The following PRKCB variants were observed in gnomAD, a reference collection of about 807,000 sequenced individuals.
The protein encoded by PRKCB is protein kinase C beta type.
A neutral mutation model predicts 81.5 loss-of-function variants in PRKCB; 13 were observed. That is an observed-to-expected ratio of 0.16 (90% CI 0.10 to 0.25). The LOEUF (loss-of-function observed/expected upper bound fraction) is 0.25, where lower values mean the gene tolerates loss of function less well. Ranked by LOEUF, PRKCB falls within the 10% of genes least tolerant of loss-of-function variation. The pLI is 1.00. For synonymous variants in PRKCB, 335 were observed against 321.4 expected (o/e 1.04, Z -0.45); for missense variants, 509 against 875.7 (o/e 0.58, Z 5.29).
chr16:24,136,752 A>G (rs1966866086), intron 9 of PRKCB, among the ~76,000 whole-genome samples: 1 of 152,234 alleles, frequency 6.6e-6, no homozygotes, highest in African/African-American at 2.4e-5. Flanking sequence ...GATGACAAGA[A>G]AAGCAAATAG....
chr16:23,925,330 A>G (rs1963881263), intron 2 of PRKCB, among the ~76,000 whole-genome samples: 1 of 152,000 alleles, frequency 6.6e-6, no homozygotes, highest in Non-Finnish European at 1.5e-5. Flanking sequence ...CTCCCTTTTC[A>G]TTCTGCAGGA....
intron 2 of PRKCB, among the ~76,000 whole-genome samples, chr16:23,948,869 C>T (rs1436529899): frequency 6.6e-6 from 1 of 152,172 alleles, no homozygotes; most frequent in African/African-American, 2.4e-5. Flanking sequence ...CCAAAGCACA[C>T]ATTCTTAACC....
At chr16:24,110,668 C>T (rs554420571) in intron 7 of PRKCB, among the ~76,000 whole-genome samples, 2 of 151,908 alleles carry the variant, frequency 1.3e-5, no homozygotes, top group Non-Finnish European at 2.9e-5. Flanking sequence ...TGGCATGCGC[C>T]ACCATACCTA....
In PRKCB at chr16:24,218,831, T is replaced by C. The variant is rs1055583573; in HGVS notation, c.*4015T>C. 2.0e-6 allele frequency: 2 copies of C among 985,348 alleles called. No individual in the cohort carries two copies. The highest frequency in any genetic ancestry group is 3.5e-5 in the African/African-American group (2 of 57,234). The allele number at this position is 985,348 out of a possible 1,614,324, so 61.0% of individuals were successfully genotyped here. On this transcript the variant is annotated 3_prime_UTR_variant, in exon 17 of 17. Transcript: ENST00000643927. The stretch of plus-strand genomic sequence containing the variant: ...GGGAATACAAGGCCTTCTTCCCTGG[T>C]TGTCTTGTAATAAAACAGCCATGGG...
intron 2 of PRKCB, among the ~76,000 whole-genome samples, chr16:23,930,462 A>T (rs1026390234): frequency 2.6e-5 from 4 of 152,042 alleles, no homozygotes; most frequent in Non-Finnish European, 5.9e-5. Context: ...TCAGCTACTC[A>T]GGAGGCTGAG....
At chr16:24,202,931 C>A (rs1967981777) in intron 16 of PRKCB, among the ~76,000 whole-genome samples, 1 of 152,038 alleles carries the variant, frequency 6.6e-6, no homozygotes, top group South Asian at 2.1e-4. Flanking sequence ...ATACCTGAAA[C>A]TGGGGCCTGG....
At chr16:23,893,660 A>G (rs986373236) in intron 2 of PRKCB, 5 of 152,268 alleles carry the variant, frequency 3.3e-5, no homozygotes, top group Non-Finnish European at 2.9e-5. Flanking sequence ...ATTTTTCACA[A>G]GAGTACTCTC....
chr16:24,088,033 CA>C (rs1301357836), intron 5 of PRKCB, among the ~76,000 whole-genome samples: 1 of 152,172 alleles, frequency 6.6e-6, no homozygotes, highest in Non-Finnish European at 1.5e-5. Flanking sequence ...TGAGTTTCAA[CA>C]AAGATAGTAA....
chr16:23,860,659 G>A (rs1962650014), intron 2 of PRKCB, among the ~76,000 whole-genome samples: 2 of 152,032 alleles, frequency 1.3e-5, no homozygotes, highest in Non-Finnish European at 2.9e-5. Flanking sequence ...GCCAAGGTGG[G>A]TGGATCACTT....
At position 24,217,352 on chromosome 16, in the gene PRKCB, C is replaced by T. The variant is rs927582086; in HGVS notation, c.*2536C>T. The T allele has an allele frequency of 2.0e-6, 2 of 985,268 alleles. No homozygotes were observed. The highest frequency in any genetic ancestry group is 2.4e-6 in the Non-Finnish European group (2 of 829,932). 61.0% of individuals were successfully genotyped at this position (985,268 alleles called of 1,614,324 possible). On this transcript the variant is annotated 3_prime_UTR_variant, in exon 17 of 17. Transcript: ENST00000643927. ...TCCTTTTCTATCCACATTTCCAGTGCAGAAGAAACTGAGAAACAGAGCTTT... is the reference window on the plus strand; with the variant it reads ...TCCTTTTCTATCCACATTTCCAGTGTAGAAGAAACTGAGAAACAGAGCTTT...
At chr16:24,023,429 C>T (rs569269328) in intron 3 of PRKCB, among the ~76,000 whole-genome samples, 101 of 152,252 alleles carry the variant, frequency 6.6e-4, no homozygotes, top group African/African-American at 2.3e-3. Flanking sequence ...AGTGCAGTGG[C>T]GGGATCTCGG....
At chr16:23,851,818 C>T (rs1209763421) in intron 2 of PRKCB, among the ~76,000 whole-genome samples, 1 of 151,938 alleles carries the variant, frequency 6.6e-6, no homozygotes, top group Non-Finnish European at 1.5e-5. Flanking sequence ...TACATTTACA[C>T]CTAAGTAATT....
chr16:23,936,589 T>G (rs1964061674), intron 2 of PRKCB, among the ~76,000 whole-genome samples: 1 of 147,580 alleles, frequency 6.8e-6, no homozygotes, highest in South Asian at 2.2e-4. Flanking sequence ...ATTTTTTTTT[T>G]TTTTTTTTTT....
At chr16:23,839,497 A>G (rs1187178556) in intron 2 of PRKCB, among the ~76,000 whole-genome samples, 1 of 151,762 alleles carries the variant, frequency 6.6e-6, no homozygotes, top group Non-Finnish European at 1.5e-5. Context: ...CTGGTCTTGA[A>G]CTCCTGGCTT....
intron 5 of PRKCB, among the ~76,000 whole-genome samples, chr16:24,084,357 A>G (rs1485188525): frequency 1.3e-5 from 2 of 152,178 alleles, no homozygotes; most frequent in Non-Finnish European, 2.9e-5. Context: ...GGGGACAAAA[A>G]GTAATCATGA....
intron 2 of PRKCB, among the ~76,000 whole-genome samples, chr16:23,933,880 C>T (rs1964017780): frequency 8.2e-6 from 1 of 121,828 alleles, no homozygotes; most frequent in Admixed American, 8.2e-5. Flanking sequence ...ATCCATCCAT[C>T]ATCTTGTTTG....
chr16:23,922,617 T>C (rs994622053), intron 2 of PRKCB, among the ~76,000 whole-genome samples: 3 of 152,254 alleles, frequency 2.0e-5, no homozygotes, highest in African/African-American at 7.2e-5. Context: ...ATACAGTGAC[T>C]GTGTTGGTCA....
intron 3 of PRKCB, among the ~76,000 whole-genome samples, chr16:23,991,864 A>C (rs1964890398): frequency 6.6e-6 from 1 of 152,174 alleles, no homozygotes; most frequent in African/African-American, 2.4e-5. Context: ...TGCCAGAAGA[A>C]TGGGTTATGC....
At chr16:23,935,766 T>C (rs1224388075) in intron 2 of PRKCB, among the ~76,000 whole-genome samples, 1 of 152,046 alleles carries the variant, frequency 6.6e-6, no homozygotes, top group Non-Finnish European at 1.5e-5. Context: ...TTAAGCAAAT[T>C]AGAGCAAGAA....
Sources: allele counts gnomAD v4.1 joint callset (sites outside exome capture counted in the v4.1 genomes callset), GRCh38; gene constraint gnomAD v4.1.1; transcripts MANE v1.5; gene names NCBI Gene and HGNC (gene_info 2026-07-23, HGNC 2026-07-21).